Variants in PPM1E observed in about 807,000 individuals in gnomAD.
PPM1E encodes the protein protein phosphatase 1E.
A neutral mutation model predicts 65.9 loss-of-function variants in PPM1E; 20 were observed. That is an observed-to-expected ratio of 0.30 (90% CI 0.21 to 0.44). PPM1E has a LOEUF of 0.44. PPM1E is among the 20% of genes least tolerant of loss of function. The pLI is 1.00. For missense variants in PPM1E, 713 were observed against 953.1 expected (o/e 0.75, Z 3.32); for synonymous variants, 352 against 374.9 (o/e 0.94, Z 0.70).
chr17:58,960,485 C>T (rs2029995490), intron 2 of PPM1E, among the ~76,000 whole-genome samples: 1 of 152,042 alleles, frequency 6.6e-6, no homozygotes, highest in Admixed American at 6.6e-5. Context: ...ACAATTAAAG[C>T]AAAGTTCTGG....
At chr17:58,842,215 C>T (rs1188734576) in intron 1 of PPM1E, among the ~76,000 whole-genome samples, 1 of 152,094 alleles carries the variant, frequency 6.6e-6, no homozygotes, top group African/African-American at 2.4e-5. Flanking sequence ...CTGTCAAGAT[C>T]CTCAAAAAGA....
chr17:58,780,835 G>A (rs1312362001), intron 1 of PPM1E, among the ~76,000 whole-genome samples: 1 of 152,070 alleles, frequency 6.6e-6, no homozygotes, highest in Non-Finnish European at 1.5e-5. Context: ...TGTCTTCTAT[G>A]TTCCTCTAGA....
chr17:58,837,744 C>T (rs972924868), intron 1 of PPM1E, among the ~76,000 whole-genome samples: 5 of 152,080 alleles, frequency 3.3e-5, no homozygotes, highest in Non-Finnish European at 7.4e-5. Context: ...GTGATCCACC[C>T]GCCTCGGCCT....
At chr17:58,837,332 T>TACACATAC (rs1555613260) in intron 1 of PPM1E, among the ~76,000 whole-genome samples, 1,927 of 131,408 alleles carry the variant, frequency 0.015, 26 homozygotes, top group African/African-American at 0.043. Flanking sequence ...CACACACACA[T>TACACATAC]ACACACACAC....
At chr17:58,973,019 A>G in intron 6 of PPM1E, 94 bp downstream of exon 6, 1 of 765,436 alleles carries the variant, frequency 1.3e-6, no homozygotes, top group East Asian at 2.6e-5. Flanking sequence ...ATGATAATTT[A>G]TGTTACCAGA....
intron 1 of PPM1E, among the ~76,000 whole-genome samples, chr17:58,882,314 C>A (rs1485378729): frequency 6.6e-6 from 1 of 152,044 alleles, no homozygotes; most frequent in African/African-American, 2.4e-5. Context: ...CATACTATTT[C>A]TATATAAAGA....
chr17:58,919,935 A>G (rs542639424), intron 1 of PPM1E, among the ~76,000 whole-genome samples: 2 of 152,324 alleles, frequency 1.3e-5, no homozygotes, highest in African/African-American at 2.4e-5. Flanking sequence ...AGAATAAACT[A>G]TGGGGTCAGG....
intron 1 of PPM1E, among the ~76,000 whole-genome samples, chr17:58,930,225 A>G (rs551006094): frequency 1.3e-5 from 2 of 149,906 alleles, no homozygotes; most frequent in African/African-American, 4.9e-5. Flanking sequence ...GGAAAACCCC[A>G]CCTCTACAAT....
chr17:58,979,674 G>A (rs1005961512), intron 6 of PPM1E, among the ~76,000 whole-genome samples: 1 of 152,156 alleles, frequency 6.6e-6, no homozygotes, highest in Non-Finnish European at 1.5e-5. Context: ...TTTTAGATCT[G>A]ACATTGTTGT....
intron 1 of PPM1E, among the ~76,000 whole-genome samples, chr17:58,769,283 GT>G (rs1014550018): frequency 6.6e-6 from 1 of 151,630 alleles, no homozygotes; most frequent in African/African-American, 2.4e-5. Flanking sequence ...AAGAAATCCT[GT>G]TTTTTTTGGT....
At chr17:58,928,700 G>A (rs911469018) in intron 1 of PPM1E, among the ~76,000 whole-genome samples, 19 of 148,222 alleles carry the variant, frequency 1.3e-4, no homozygotes, top group Middle Eastern at 3.5e-3. Context: ...ACTCACACAC[G>A]AATTTTTTTT....
At chr17:58,843,476 C>T (rs1229747672) in intron 1 of PPM1E, among the ~76,000 whole-genome samples, 11 of 151,862 alleles carry the variant, frequency 7.2e-5, no homozygotes, top group South Asian at 2.1e-4. Context: ...GCGGAGATCG[C>T]GCCACTTAGC....
intron 1 of PPM1E, among the ~76,000 whole-genome samples, chr17:58,848,845 A>G (rs1389416578): frequency 3.3e-5 from 5 of 152,204 alleles, no homozygotes; most frequent in Non-Finnish European, 7.3e-5. Context: ...TTCAGAAGGA[A>G]TGGTACCAGC....
intron 1 of PPM1E, among the ~76,000 whole-genome samples, chr17:58,796,877 G>A (rs562702140): frequency 6.6e-5 from 10 of 152,176 alleles, no homozygotes; most frequent in African/African-American, 1.2e-4. Context: ...AGGCTGAGGC[G>A]GGTGGATCAC....
At chr17:58,794,381 T>TTTA (rs1185319882) in intron 1 of PPM1E, among the ~76,000 whole-genome samples, 1 of 152,086 alleles carries the variant, frequency 6.6e-6, no homozygotes, top group African/African-American at 2.4e-5. Context: ...CCTGGCCCAA[T>TTTA]TTATTATTAT....
At chr17:58,895,831 C>T (rs527487338) in intron 1 of PPM1E, among the ~76,000 whole-genome samples, 144 of 147,652 alleles carry the variant, frequency 9.8e-4, no homozygotes, top group African/African-American at 3.4e-3. Flanking sequence ...GGAGGCCGGG[C>T]GCAGTGGCTC....
chr17:58,967,415 C>A (rs1373892433), intron 3 of PPM1E, among the ~76,000 whole-genome samples: 1 of 150,950 alleles, frequency 6.6e-6, no homozygotes, highest in Non-Finnish European at 1.5e-5. Context: ...AATCTTAGTG[C>A]GATGAGGAAA....
intron 1 of PPM1E, among the ~76,000 whole-genome samples, chr17:58,858,028 T>C (rs2050901059): frequency 6.6e-6 from 1 of 152,088 alleles, no homozygotes; most frequent in African/African-American, 2.4e-5. Flanking sequence ...GTTTTGGAGT[T>C]TTTTCACTTC....
rs1555626269 is a variant in PPM1E at position 58,983,743 on chromosome 17, TAA to T, written c.*2714_*2715del. On this transcript the variant is annotated 3_prime_UTR_variant, in exon 7 of 7. Coordinates refer to ENST00000308249, the MANE Select transcript of PPM1E (RefSeq NM_014906.5). ...TGGTGAAAGTTCTACACTCAATCCTTAAAGAGTGGCAGTATCCCTTTTTCAAT... is the reference window on the plus strand; with the variant it reads ...TGGTGAAAGTTCTACACTCAATCCTTAGAGTGGCAGTATCCCTTTTTCAAT... The T allele has an allele frequency of 1.3e-5, 2 of 152,680 alleles. No individual in the cohort carries two copies. The highest frequency in any genetic ancestry group is 2.9e-5 in the Non-Finnish European group (2 of 68,048). 9.5% of individuals were successfully genotyped at this position (152,680 alleles called of 1,614,324 possible). A position where few individuals can be genotyped will look rare whatever the true frequency, so the allele number is the denominator to read the frequency against.
Sources: gnomAD v4.1 joint callset for allele counts (sites outside exome capture counted in the v4.1 genomes callset) on GRCh38, gnomAD v4.1.1 for gene constraint, MANE v1.5 for transcripts, NCBI Gene and HGNC (gene_info 2026-07-23, HGNC 2026-07-21) for gene names.